PRKAR1B: variants seen among roughly 807,000 people sequenced by gnomAD.
The protein encoded by PRKAR1B is protein kinase cAMP-dependent type I regulatory subunit beta.
Under a neutral mutation model 46.5 loss-of-function variants are expected in PRKAR1B, and 22 were observed. The observed-to-expected ratio is 0.47, with a 90% CI of 0.34 to 0.68. The LOEUF (loss-of-function observed/expected upper bound fraction) is 0.68, where lower values mean the gene tolerates loss of function less well. Ranked by LOEUF, PRKAR1B falls within the 30% of genes least tolerant of loss-of-function variation. The pLI, the probability that PRKAR1B is intolerant of heterozygous loss-of-function variation, is 0.01. For missense variants in PRKAR1B, 445 were observed against 535.6 expected, an observed-to-expected ratio of 0.83 and a Z score of 1.67; for synonymous variants, 259 against 217.7, an observed-to-expected ratio of 1.19 and a Z score of -1.67.
At chr7:587,448 C>G (rs563172567) in intron 7 of PRKAR1B, among the ~76,000 whole-genome samples, 1 of 152,294 alleles carries the variant, frequency 6.6e-6, no homozygotes, top group African/African-American at 2.4e-5. Flanking sequence ...CTGAAGTTAC[C>G]CACTGCCGTG....
At chr7:601,661 T>C (rs1210379712) in intron 6 of PRKAR1B, among the ~76,000 whole-genome samples, 1 of 152,184 alleles carries the variant, frequency 6.6e-6, no homozygotes, top group Non-Finnish European at 1.5e-5. Context: ...ACCCCTGCCC[T>C]GGCTGGAAAA....
chr7:695,504 G>A (rs949388231), intron 2 of PRKAR1B, among the ~76,000 whole-genome samples: 9 of 152,162 alleles, frequency 5.9e-5, no homozygotes, highest in Non-Finnish European at 1.0e-4. Context: ...CGATGACCTC[G>A]TGTTCCATGA....
At chr7:727,902 GT>G (rs1244473198), upstream of PRKAR1B, among the ~76,000 whole-genome samples, 2 of 151,560 alleles carry the variant, frequency 1.3e-5, no homozygotes, top group Non-Finnish European at 2.9e-5. Flanking sequence ...CTGTTAGGCG[GT>G]TTGGGGTGGG....
chr7:691,507 G>A lies in PRKAR1B; in HGVS notation c.178-10781C>T, dbSNP rs113499495. 4.1e-4 allele frequency: 529 copies of A among 1,304,428 alleles called. 3 individuals carry two copies. In the African/African-American group the frequency reaches 7.4e-3, roughly 18 times the overall value. 80.8% of individuals were successfully genotyped at this position (1,304,428 alleles called of 1,614,324 possible). On this transcript the variant is annotated intron_variant, in intron 2 of 10. Transcript: ENST00000537384. ...CCCCCAGCGCACCACAGCCATCCAG[G>A]GAGAGCAAATGAAGAGGAGAGCTGG...
chr7:701,340 GAAAA>G (rs138397412), intron 2 of PRKAR1B, among the ~76,000 whole-genome samples: 15,149 of 151,534 alleles, frequency 0.1, 1,024 homozygotes, highest in Non-Finnish European at 0.15. Flanking sequence ...GAAAAGAAAA[GAAAA>G]AGAAAGAAAG....
At chr7:585,429 G>A (rs1361354345) in intron 7 of PRKAR1B, among the ~76,000 whole-genome samples, 1 of 152,224 alleles carries the variant, frequency 6.6e-6, no homozygotes, top group Non-Finnish European at 1.5e-5. Context: ...GAGACACAGA[G>A]TCCACCCGGA....
intron 2 of PRKAR1B, among the ~76,000 whole-genome samples, chr7:710,389 G>A (rs1029065960): frequency 1.7e-4 from 26 of 152,194 alleles, no homozygotes; most frequent in Admixed American, 6.5e-4. Context: ...AGGGGACACA[G>A]CAGGAGGTGT....
chr7:586,356 C>G (rs1426640706), intron 7 of PRKAR1B, among the ~76,000 whole-genome samples: 1 of 151,924 alleles, frequency 6.6e-6, no homozygotes, highest in Non-Finnish European at 1.5e-5. Context: ...ATGAATAGGG[C>G]TGACGGATCC....
At chr7:551,286 C>T in intron 10 of PRKAR1B, 103 bp downstream of exon 10, 2 of 1,110,568 alleles carry the variant, frequency 1.8e-6, no homozygotes, top group East Asian at 2.6e-5. Flanking sequence ...CACTACAAGG[C>T]CCCAGGGAAG....
At chr7:567,546 A>ACCT (rs1562524651) in intron 9 of PRKAR1B, among the ~76,000 whole-genome samples, 46 of 150,510 alleles carry the variant, frequency 3.1e-4, no homozygotes, top group African/African-American at 9.5e-4. Context: ...TATCACCATC[A>ACCT]TCATCACCAT....
Position 550,286 on chromosome 7 carries a change from TC to T in PRKAR1B, c.*143del, listed in dbSNP as rs991294286. The T allele has an allele frequency of 1.1e-5, 7 of 649,418 alleles. No individual in the cohort carries two copies. Among genetic ancestry groups the T allele is most frequent in the Middle Eastern group, 4.0e-4 (1 of 2,512 alleles). The allele number at this position is 649,418 out of a possible 1,614,324, so 40.2% of individuals were successfully genotyped here. On this transcript the variant is annotated 3_prime_UTR_variant, in exon 11 of 11. Transcript: ENST00000537384. ...GTGATCATTTATTCCAAAAAGTGAGTCCGGGGAAGGGGCAGTCCTCACGCTG... is the reference window on the plus strand; with the variant it reads ...GTGATCATTTATTCCAAAAAGTGAGTCGGGGAAGGGGCAGTCCTCACGCTG...
intron 4 of PRKAR1B, among the ~76,000 whole-genome samples, chr7:656,914 CGGAT>C (rs1187578046): frequency 2.9e-5 from 3 of 103,932 alleles, no homozygotes; most frequent in African/African-American, 8.3e-5. Flanking sequence ...GATGGACGGA[CGGAT>C]GGATGAATGA....
chr7:705,040 C>T (rs1780247283), intron 2 of PRKAR1B, among the ~76,000 whole-genome samples: 1 of 151,996 alleles, frequency 6.6e-6, no homozygotes, highest in Non-Finnish European at 1.5e-5. Flanking sequence ...GCCTGTAATC[C>T]CAGCACTTTG....
chr7:624,288 C>A (rs1358673599), intron 4 of PRKAR1B, among the ~76,000 whole-genome samples: 2 of 152,146 alleles, frequency 1.3e-5, no homozygotes, highest in Non-Finnish European at 2.9e-5. Context: ...CAAACATTAG[C>A]CAGGCTTGGT....
rs1781260699 is a variant in PRKAR1B at position 596,264 on chromosome 7, C to G, written c.590G>C (p.Gly197Ala). The G allele has an allele frequency of 6.2e-7, 1 of 1,613,780 alleles. No homozygotes were observed. ...GAGCGCCAGCTCCCCGAAGCTGCCT[C>G]CCTCGCTGATGTTGGTCACCCACTC... is the stretch of plus-strand genomic sequence containing the variant. The part of the protein sequence containing the change: ...NGEWVTNISE[G>A]GSFGELALIY... The change falls in exon 7 of 11, where the codon GGA (glycine) becomes GCA (alanine). Residue 197 changes from glycine to alanine, a missense_variant. By Grantham distance (60) the Gly-to-Ala change is moderately conservative. Transcript: ENST00000537384.
intron 4 of PRKAR1B, among the ~76,000 whole-genome samples, chr7:634,384 G>T (rs918401928): frequency 6.6e-6 from 1 of 152,086 alleles, no homozygotes; most frequent in African/African-American, 2.4e-5. Context: ...AGGCTAAGGC[G>T]GGAGGATCAC....
intron 4 of PRKAR1B, among the ~76,000 whole-genome samples, chr7:656,532 G>A (rs1486448403): frequency 6.6e-6 from 1 of 151,918 alleles, no homozygotes; most frequent in Non-Finnish European, 1.5e-5. Flanking sequence ...TGGATAAGGG[G>A]GGAATTAATG....
At chr7:702,561 C>T (rs1279117600) in intron 2 of PRKAR1B, among the ~76,000 whole-genome samples, 3 of 152,188 alleles carry the variant, frequency 2.0e-5, no homozygotes, top group Non-Finnish European at 4.4e-5. Flanking sequence ...GTGGGGCTCA[C>T]ACCTGTAATC....
At chr7:622,191 C>G (rs1783143133) in intron 4 of PRKAR1B, among the ~76,000 whole-genome samples, 1 of 152,228 alleles carries the variant, frequency 6.6e-6, no homozygotes, top group Non-Finnish European at 1.5e-5. Flanking sequence ...CCGAGGCCAC[C>G]TAAGGGGGAC....
Sources: allele counts gnomAD v4.1 joint callset (sites outside exome capture counted in the v4.1 genomes callset), GRCh38; gene constraint gnomAD v4.1.1; transcripts MANE v1.5; gene names NCBI Gene and HGNC (gene_info 2026-07-23, HGNC 2026-07-21).